Variants in RAD51B observed in about 807,000 individuals in gnomAD.
RAD51B encodes DNA repair protein RAD51 homolog 2.
A neutral mutation model predicts 42.2 loss-of-function variants in RAD51B; 38 were observed. That is an observed-to-expected ratio of 0.90 (90% confidence interval 0.70 to 1.18). The LOEUF (loss-of-function observed/expected upper bound fraction) is 1.18. Among genes scored for constraint, RAD51B ranks in the 50% most tolerant of loss-of-function variants. RAD51B has a pLI of 0.00. For synonymous variants in RAD51B, 154 were observed against 145.2 expected (o/e 1.06, Z -0.43); for missense variants, 373 against 400.7 (o/e 0.93, Z 0.59).
chr14:68,403,083 G>A (rs1265807291), intron 8 of RAD51B, among the ~76,000 whole-genome samples: 3 of 152,242 alleles, frequency 2.0e-5, no homozygotes, highest in Non-Finnish European at 4.4e-5. Flanking sequence ...CGAGAATGCA[G>A]TTCCAGTGGT....
chr14:68,035,756 A>G (rs1344045323), intron 7 of RAD51B, among the ~76,000 whole-genome samples: 1 of 152,190 alleles, frequency 6.6e-6, no homozygotes, highest in Non-Finnish European at 1.5e-5. Flanking sequence ...CCTGAAGACT[A>G]TTTTTTAATA....
chr14:67,922,694 T>TG (rs1373057160), intron 7 of RAD51B, among the ~76,000 whole-genome samples: 1 of 151,054 alleles, frequency 6.6e-6, no homozygotes, highest in Non-Finnish European at 1.5e-5. Flanking sequence ...AGTCTTTTTT[T>TG]TTTTTTTTTC....
chr14:68,575,441 A>C (rs1889918650), intron 10 of RAD51B, among the ~76,000 whole-genome samples: 1 of 152,142 alleles, frequency 6.6e-6, no homozygotes, highest in South Asian at 2.1e-4. Flanking sequence ...GAATCTGTAA[A>C]GGTTTGGGGT....
At chr14:68,268,548 A>G (rs2081039057) in intron 7 of RAD51B, among the ~76,000 whole-genome samples, 1 of 152,332 alleles carries the variant, frequency 6.6e-6, no homozygotes, top group African/African-American at 2.4e-5. Context: ...TCTCATCACA[A>G]TTAGAATCAT....
intron 8 of RAD51B, among the ~76,000 whole-genome samples, chr14:68,369,906 G>A (rs952828936): frequency 3.3e-5 from 5 of 152,142 alleles, no homozygotes; most frequent in Non-Finnish European, 7.4e-5. Flanking sequence ...ACTTCGAGGG[G>A]ATGATTCTCT....
At chr14:68,373,247 G>T (rs2083296648) in intron 8 of RAD51B, among the ~76,000 whole-genome samples, 1 of 152,108 alleles carries the variant, frequency 6.6e-6, no homozygotes, top group Non-Finnish European at 1.5e-5. Flanking sequence ...TGCATTTATT[G>T]TCCTATTTAA....
chr14:68,630,698 C>T (rs566692391), intron 10 of RAD51B, among the ~76,000 whole-genome samples: 3 of 148,288 alleles, frequency 2.0e-5, no homozygotes, highest in African/African-American at 7.6e-5. Context: ...AACCTTCGGC[C>T]GGTAACTTCT....
intron 10 of RAD51B, chr14:68,563,045 G>A (rs745776990): frequency 4.1e-5 from 40 of 985,336 alleles, no homozygotes; most frequent in Non-Finnish European, 4.8e-5. Flanking sequence ...CACCCTGGCC[G>A]CTTCTCTAGC....
chr14:68,275,640 G>A (rs1270316696), intron 7 of RAD51B, among the ~76,000 whole-genome samples: 1 of 152,066 alleles, frequency 6.6e-6, no homozygotes, highest in Non-Finnish European at 1.5e-5. Context: ...TTTTGTTTTA[G>A]TTTTTACCCC....
chr14:68,620,368 A>G (rs1184949933), intron 10 of RAD51B, among the ~76,000 whole-genome samples: 3 of 152,096 alleles, frequency 2.0e-5, no homozygotes, highest in Non-Finnish European at 4.4e-5. Flanking sequence ...ACCTGTCCCC[A>G]CCATGGGTAG....
chr14:67,908,450 C>G (rs2043852678), intron 7 of RAD51B: 1 of 151,214 alleles, frequency 6.6e-6, no homozygotes, highest in Non-Finnish European at 1.5e-5. Context: ...AAAAAGTGTA[C>G]TTTTTTGTTT....
chr14:68,005,045 G>GTGTGTTTT (rs1555339751), intron 7 of RAD51B, among the ~76,000 whole-genome samples: 5 of 79,502 alleles, frequency 6.3e-5, no homozygotes, highest in African/African-American at 2.1e-4. Context: ...GTGTGTGTGT[G>GTGTGTTTT]TTTTTTTTTT....
chr14:68,065,700 T>C (rs2076639327), intron 7 of RAD51B, among the ~76,000 whole-genome samples: 1 of 152,120 alleles, frequency 6.6e-6, no homozygotes, highest in Non-Finnish European at 1.5e-5. Context: ...TTTGAGTGGC[T>C]GGGATTGAGG....
intron 7 of RAD51B, among the ~76,000 whole-genome samples, chr14:67,919,608 A>T (rs985076475): frequency 5.9e-5 from 9 of 152,012 alleles, no homozygotes; most frequent in African/African-American, 1.7e-4. Flanking sequence ...TCTTTGTTGG[A>T]TATACTATAT....
At chr14:68,540,873 G>A (rs1055520744) in intron 10 of RAD51B, 1 of 985,456 alleles carries the variant, frequency 1.0e-6, no homozygotes, top group Non-Finnish European at 1.2e-6. Flanking sequence ...ATTCCATGTA[G>A]GGAAGAAGGT....
rs143789936 is a variant in RAD51B at position 67,981,356 on chromosome 14, C to T, written c.756+94152C>T. Among the ~76,000 whole-genome samples the T allele has an allele frequency of 4.1e-4, 63 of 152,300 alleles. No homozygotes were observed. The East Asian group carries it at 5.4e-3, about 13-fold the overall frequency. ...TGGAGGAGCTAAGTCTTATACCCTG[C>T]GGGTGGGAATGTAAAATGGTATAAC... On this transcript the variant is annotated intron_variant, in intron 7 of 10. Coordinates refer to ENST00000471583, the MANE Select transcript of RAD51B (RefSeq NM_133510.4).
At chr14:68,261,982 A>C (rs1365427124) in intron 7 of RAD51B, among the ~76,000 whole-genome samples, 1 of 151,248 alleles carries the variant, frequency 6.6e-6, no homozygotes, top group Non-Finnish European at 1.5e-5. Context: ...TGTTTGTACT[A>C]GTAAATGCAG....
intron 8 of RAD51B, among the ~76,000 whole-genome samples, chr14:68,331,336 C>T (rs1169707012): frequency 1.8e-5 from 2 of 112,104 alleles, no homozygotes; most frequent in Non-Finnish European, 3.7e-5. Context: ...CCACTGCACT[C>T]CAGCCTGGGC....
intron 8 of RAD51B, among the ~76,000 whole-genome samples, chr14:68,303,010 G>T (rs911326108): frequency 6.6e-5 from 10 of 152,282 alleles, no homozygotes; most frequent in Non-Finnish European, 1.5e-4. Flanking sequence ...TGGGGGGCTT[G>T]CTCCCAACAG....
Sources: allele counts gnomAD v4.1 joint callset (sites outside exome capture counted in the v4.1 genomes callset), GRCh38; gene constraint gnomAD v4.1.1; transcripts MANE v1.5; gene names NCBI Gene and HGNC (gene_info 2026-07-23, HGNC 2026-07-21).